WRNIP1: variants seen among roughly 807,000 people sequenced by gnomAD.
WRNIP1 encodes the protein WRN helicase interacting protein 1, also known as ATPase WRNIP1.
A neutral mutation model predicts 56.1 loss-of-function variants in WRNIP1; 41 were observed. The observed-to-expected ratio is 0.73, with a 90% CI of 0.57 to 0.95. The LOEUF is 0.95. WRNIP1 is among the 40% of genes least tolerant of loss of function. WRNIP1 has a pLI of 0.00. For synonymous variants in WRNIP1, 547 were observed against 398.1 expected (o/e 1.37, Z -4.45); for missense variants, 1,170 against 939.4 (o/e 1.25, Z -3.21).
intron 3 of WRNIP1, among the ~76,000 whole-genome samples, chr6:2,774,647 T>TA (rs757193249): frequency 1.6e-4 from 25 of 152,366 alleles, no homozygotes; most frequent in Non-Finnish European, 3.2e-4. Context: ...GATTAGGACT[T>TA]ACATCTTTTG....
At chr6:2,767,986 C>T (rs996316776) in intron 1 of WRNIP1, among the ~76,000 whole-genome samples, 1 of 152,184 alleles carries the variant, frequency 6.6e-6, no homozygotes, top group Non-Finnish European at 1.5e-5. Flanking sequence ...AGTCATTAAA[C>T]AGTCTTCAGT....
At chr6:2,775,531 A>G (rs149123071) in intron 3 of WRNIP1, among the ~76,000 whole-genome samples, 1,560 of 152,362 alleles carry the variant, frequency 0.01, 24 homozygotes, top group African/African-American at 0.035. Context: ...CAAGCCATGC[A>G]TATTCTTTCA....
chr6:2,766,415 A>G lies in WRNIP1; in HGVS notation c.793A>G (p.Ile265Val), dbSNP rs1764990998. ...LLETNEIPSLILWGPPGCGKT... is the reference protein window; with the variant it reads ...LLETNEIPSLVLWGPPGCGKT... ...GGAGACCAACGAAATCCCCTCGCTT[A>G]TCCTGTGGGGGCCGCCGGGCTGCGG... Residue 265 changes from isoleucine (I) to valine (V), a missense_variant, in exon 1 of 7, where the codon ATC becomes GTC. Coordinates refer to ENST00000380773, the MANE Select transcript of WRNIP1 (RefSeq NM_020135.3). The G allele has an allele frequency of 3.1e-6, 5 of 1,596,582 alleles. No individual in the cohort carries two copies. The highest frequency in any genetic ancestry group is 1.3e-5 in the African/African-American group (1 of 74,650).
chr6:2,782,933 C>T (rs1438354380), intron 4 of WRNIP1, among the ~76,000 whole-genome samples: 1 of 152,204 alleles, frequency 6.6e-6, no homozygotes, highest in South Asian at 2.1e-4. Context: ...ATCAGAAAGG[C>T]AGCTGGAAAT....
Position 2,785,144 on chromosome 6 carries a change from C to T in WRNIP1, c.1860C>T (p.Asn620=), listed in dbSNP as rs769264133. The T allele has an allele frequency of 2.0e-5, 32 of 1,614,188 alleles. No individual in the cohort carries two copies. The Admixed American group carries it at 3.5e-4, about 18-fold the overall frequency. ...PLPPVPLHLR[N]APTRLMKDLG... is the part of the protein sequence containing the mutation. ...CCCCCGTGCCCCTGCACCTGAGGAA[C>T]GCGCCCACTAGGCTGATGAAGGATT... The change falls in exon 7 of 7, where the codon AAC becomes AAT. Residue 620 remains asparagine, a synonymous_variant. Transcript: ENST00000380773.
chr6:2,771,616 G>A (rs1432481780), intron 3 of WRNIP1, among the ~76,000 whole-genome samples: 1 of 152,186 alleles, frequency 6.6e-6, no homozygotes, highest in African/African-American at 2.4e-5. Context: ...CCTTCATGAT[G>A]CTGTGAAAGG....
intron 4 of WRNIP1, among the ~76,000 whole-genome samples, chr6:2,781,358 C>A (rs1426234673): frequency 6.6e-6 from 1 of 152,248 alleles, no homozygotes; most frequent in African/African-American, 2.4e-5. Flanking sequence ...TGTTTACACA[C>A]CCCACCCCAG....
rs139645804 is a variant in WRNIP1, at chr6:2,771,039, C to A, written c.1256+678C>A. Among the ~76,000 whole-genome samples the A allele has an allele frequency of 1.6e-3, 238 of 152,016 alleles. 1 individual carries two copies. Among genetic ancestry groups the A allele is most frequent in the African/African-American group, 5.6e-3 (232 of 41,458 alleles). ...TTGATTTCTTGGGTCAGGGGTTTTC[C>A]TTTTTTTTAATATTAGAACATATTC... On this transcript the variant is annotated intron_variant, in intron 3 of 6. Coordinates refer to ENST00000380773, the MANE Select transcript of WRNIP1 (RefSeq NM_020135.3).
Position 2,783,568 on chromosome 6 carries a change from G to A in WRNIP1, c.1642+7G>A. The A allele has an allele frequency of 3.2e-6, 5 of 1,586,430 alleles. No homozygotes were observed. Among genetic ancestry groups the A allele is most frequent in the Non-Finnish European group, 4.3e-6 (5 of 1,163,064 alleles). On this transcript the variant is annotated splice_region_variant and intron_variant, in intron 5 of 6. Coordinates refer to ENST00000380773, the MANE Select transcript of WRNIP1 (RefSeq NM_020135.3). ...TTTGCCAGCGAGGACATAGGTGAGTGTGATGGGAGGGTCCCGGAGTCCTAT... is the reference window on the plus strand; with the variant it reads ...TTTGCCAGCGAGGACATAGGTGAGTATGATGGGAGGGTCCCGGAGTCCTAT...
intron 4 of WRNIP1, among the ~76,000 whole-genome samples, chr6:2,781,782 G>T (rs745440279): frequency 9.2e-5 from 14 of 152,214 alleles, no homozygotes; most frequent in South Asian, 2.1e-4. Flanking sequence ...TGATGCAAAA[G>T]AATCTTTTTA....
chr6:2,765,595 C>T lies in WRNIP1; in HGVS notation c.-28C>T, dbSNP rs757790815. ...GTGCGCACGGGTTGCTGCGGCCGCG[C>T]CGGGCGCCGGGGAGGGCGGCGGCCG... On this transcript the variant is annotated 5_prime_UTR_variant, in exon 1 of 7. Transcript: ENST00000380773. The T allele has an allele frequency of 6.8e-7, 1 of 1,476,592 alleles. No individual in the cohort carries two copies. 91.5% of individuals were successfully genotyped at this position (1,476,592 alleles called of 1,614,324 possible). A position where few individuals can be genotyped will look rare whatever the true frequency, so the allele number is the denominator to read the frequency against.
rs1295539768 is a variant in WRNIP1, at chr6:2,784,663, G to GC, written c.1722+260_1722+261insC. On this transcript the variant is annotated intron_variant, in intron 6 of 6. Transcript: ENST00000380773. ...CTCCATATGTTCCAGGGAGCAGAAA[G>GC]GTTAAAGGAGCTGAACAGCAAAGCC... 3.9e-5 allele frequency among the ~76,000 whole-genome samples: 6 copies of GC among 152,242 alleles called. No individual in the cohort carries two copies. The Middle Eastern group carries it at 0.014, about 345-fold the overall frequency.
At chr6:2,773,435 G>A in intron 3 of WRNIP1, 1 of 985,436 alleles carries the variant, frequency 1.0e-6, no homozygotes, top group South Asian at 4.7e-5. Context: ...GCGGAGTTGA[G>A]TTTTGAAGGA....
rs1156380809 is a variant in WRNIP1 at position 2,779,429 on chromosome 6, C to G, written c.1423C>G (p.Leu475Val). 1.2e-6 allele frequency: 2 copies of G among 1,614,208 alleles called. No homozygotes were observed. The highest frequency in any genetic ancestry group is 8.5e-7 in the Non-Finnish European group (1 of 1,180,030). The change falls in exon 4 of 7, where the codon CTG becomes GTG. Residue 475 changes from leucine (L) to valine (V), a missense_variant. Physicochemically the swap from Leu to Val is conservative, Grantham distance 32. Coordinates refer to ENST00000380773, the MANE Select transcript of WRNIP1 (RefSeq NM_020135.3). ...SGQSYSPSRV[L>V]ITENDVKEGL... ...GCAATCCTATTCTCCCAGTAGAGTTCTGATCACAGAGAATGACGTGAAGGA... is the reference window on the plus strand; with the variant it reads ...GCAATCCTATTCTCCCAGTAGAGTTGTGATCACAGAGAATGACGTGAAGGA...
chr6:2,773,379 T>G, intron 3 of WRNIP1: 1 of 985,394 alleles, frequency 1.0e-6, no homozygotes, highest in South Asian at 4.7e-5. Flanking sequence ...AGAAGCAGCA[T>G]TCAGAATATG....
chr6:2,774,930 A>G (rs957720222), intron 3 of WRNIP1, among the ~76,000 whole-genome samples: 5 of 152,144 alleles, frequency 3.3e-5, no homozygotes, highest in East Asian at 1.9e-4. Flanking sequence ...CCAAAGCAGT[A>G]TTTGTCGAGT....
In WRNIP1 at chr6:2,766,077, C is replaced by T. The variant is rs1195114908; in HGVS notation, c.455C>T (p.Ala152Val). Residue 152 changes from alanine to valine, a missense_variant, in exon 1 of 7, where the codon GCG (alanine) becomes GTG (valine). Ala to Val is a moderately conservative substitution (Grantham distance 64). Transcript: ENST00000380773. ...RPAAAAAAGSASPRSWDEAEA... is the reference protein window; with the variant it reads ...RPAAAAAAGSVSPRSWDEAEA... ...GCGGCCGCCGCCGCGGCGGGGAGCG[C>T]GTCTCCGCGCAGCTGGGACGAGGCG... The T allele has an allele frequency of 3.9e-6, 5 of 1,296,742 alleles. No individual in the cohort carries two copies. The highest frequency in any genetic ancestry group is 4.9e-6 in the Non-Finnish European group (5 of 1,027,240). The allele number at this position is 1,296,742 out of a possible 1,614,324, so 80.3% of individuals were successfully genotyped here. A position where few individuals can be genotyped will look rare whatever the true frequency, so the allele number is the denominator to read the frequency against.
intron 3 of WRNIP1, among the ~76,000 whole-genome samples, chr6:2,775,673 C>T (rs1262475162): frequency 6.6e-6 from 1 of 152,178 alleles, no homozygotes; most frequent in African/African-American, 2.4e-5. Flanking sequence ...ATTTAGGCAC[C>T]TGGAAGAGGA....
At chr6:2,781,483 T>G (rs1285712874) in intron 4 of WRNIP1, among the ~76,000 whole-genome samples, 2 of 152,204 alleles carry the variant, frequency 1.3e-5, no homozygotes, top group Non-Finnish European at 2.9e-5. Flanking sequence ...AGCATTGCCC[T>G]GGAAACCTGT....
Sources: allele counts gnomAD v4.1 joint callset (sites outside exome capture counted in the v4.1 genomes callset), GRCh38; gene constraint gnomAD v4.1.1; transcripts MANE v1.5; gene names NCBI Gene and HGNC (gene_info 2026-07-23, HGNC 2026-07-21).